The following KIF16B variants were observed in gnomAD, a reference collection of about 807,000 sequenced individuals.
KIF16B encodes kinesin family member 16B, also known as kinesin-like protein KIF16B.
A neutral mutation model predicts 156.3 loss-of-function variants in KIF16B; 98 were observed. The ratio of observed to expected loss-of-function variants is 0.63; its 90% CI spans 0.53 to 0.74. The LOEUF (loss-of-function observed/expected upper bound fraction) is 0.74, where lower values mean the gene tolerates loss of function less well. Among genes scored for constraint, KIF16B ranks in the 30% least tolerant of loss-of-function variants. KIF16B has a pLI of 0.00. For synonymous variants in KIF16B, 564 were observed against 583.7 expected (o/e 0.97, Z 0.49); for missense variants, 1,421 against 1,606.5 (o/e 0.88, Z 1.97).
chr20:16,368,793 C>T (rs2064743966), intron 22 of KIF16B: 2 of 985,846 alleles, frequency 2.0e-6, no homozygotes, highest in Non-Finnish European at 2.4e-6. Context: ...CCTTGCCTTG[C>T]CTGGCCTGCT....
chr20:16,471,818 T>C (rs969364682), intron 12 of KIF16B, among the ~76,000 whole-genome samples: 3 of 152,258 alleles, frequency 2.0e-5, no homozygotes, highest in Non-Finnish European at 4.4e-5. Context: ...CCTATGGTTC[T>C]TCAGAACTTT....
intron 15 of KIF16B, among the ~76,000 whole-genome samples, chr20:16,424,640 C>T (rs6080256): frequency 1.1e-4 from 16 of 151,888 alleles, no homozygotes; most frequent in East Asian, 7.8e-4. Flanking sequence ...AAAACTATTA[C>T]GCAGGCAAAA....
intron 23 of KIF16B, among the ~76,000 whole-genome samples, chr20:16,338,353 A>G (rs542924893): frequency 1.3e-5 from 2 of 151,908 alleles, no homozygotes; most frequent in South Asian, 4.2e-4. Flanking sequence ...GTGCTTTCAG[A>G]CCCTGCTGCT....
chr20:16,526,965 T>C (rs1053288565), intron 2 of KIF16B, among the ~76,000 whole-genome samples: 2 of 152,182 alleles, frequency 1.3e-5, no homozygotes, highest in African/African-American at 2.4e-5. Context: ...GATGATAAAA[T>C]GTTTAAAAAA....
chr20:16,275,055 C>CTTTT (rs4052896), intron 25 of KIF16B, among the ~76,000 whole-genome samples: 42 of 140,432 alleles, frequency 3.0e-4, no homozygotes, highest in South Asian at 9.2e-4. Flanking sequence ...ATAAATTGTA[C>CTTTT]TTTTTTTTTT....
intron 12 of KIF16B, among the ~76,000 whole-genome samples, chr20:16,464,217 G>A (rs187263852): frequency 1.2e-3 from 188 of 152,168 alleles, no homozygotes; most frequent in African/African-American, 4.1e-3. Context: ...GAGCCTCACC[G>A]TTACAGGAAA....
intron 25 of KIF16B, among the ~76,000 whole-genome samples, chr20:16,295,360 T>C: frequency 6.6e-6 from 1 of 152,148 alleles, no homozygotes; most frequent in East Asian, 1.9e-4. Flanking sequence ...TTCTACTGCA[T>C]AACAATTCTA....
intron 22 of KIF16B, among the ~76,000 whole-genome samples, chr20:16,364,504 T>A (rs13045434): frequency 0.022 from 3,364 of 152,270 alleles, 50 homozygotes; most frequent in Non-Finnish European, 0.032. Flanking sequence ...ACTCTAGGGG[T>A]GCTGTAGGCT....
intron 15 of KIF16B, among the ~76,000 whole-genome samples, chr20:16,411,895 T>C (rs1186052706): frequency 2.6e-5 from 4 of 151,298 alleles, no homozygotes; most frequent in East Asian, 3.9e-4. Context: ...CAAAAACTTT[T>C]GGACATTTCG....
At chr20:16,400,336 G>A (rs1168245268) in intron 17 of KIF16B, among the ~76,000 whole-genome samples, 1 of 152,214 alleles carries the variant, frequency 6.6e-6, no homozygotes, top group Non-Finnish European at 1.5e-5. Context: ...ACATTTTGAT[G>A]TGTACTATAA....
In KIF16B at chr20:16,378,910, T is replaced by C; in HGVS notation, c.3092A>G (p.Glu1031Gly). Residue 1031 changes from glutamate to glycine, a missense_variant, in exon 19 of 26, where the codon GAG (glutamate) becomes GGG (glycine). By Grantham distance (98) the Glu-to-Gly change is moderately conservative (BLOSUM62 -2). Coordinates refer to ENST00000354981, the MANE Select transcript of KIF16B (RefSeq NM_024704.5). ...CAGACTGGCAAGTTTCTGCCTCTGC[T>C]CTTCAATCTCCATGCCCAGGGTGGA... ...RHSTLGMEIE[E>G]QRQKLASLNS... 6.2e-7 allele frequency: 1 copy of C among 1,614,084 alleles called. No individual in the cohort carries two copies. The highest frequency in any genetic ancestry group is 8.5e-7 in the Non-Finnish European group (1 of 1,179,960).
intron 16 of KIF16B, among the ~76,000 whole-genome samples, chr20:16,405,977 C>T (rs1208691451): frequency 6.6e-6 from 1 of 152,098 alleles, no homozygotes; most frequent in African/African-American, 2.4e-5. Context: ...GCTCTCGCTT[C>T]CCACCTCAAT....
intron 24 of KIF16B, among the ~76,000 whole-genome samples, chr20:16,325,420 A>G (rs2063830319): frequency 6.6e-6 from 1 of 152,068 alleles, no homozygotes; most frequent in Non-Finnish European, 1.5e-5. Context: ...CTCATCCAAA[A>G]AGCTCCTAGA....
chr20:16,373,397 T>C (rs2064870736), intron 20 of KIF16B, among the ~76,000 whole-genome samples: 1 of 152,220 alleles, frequency 6.6e-6, no homozygotes, highest in Admixed American at 6.5e-5. Flanking sequence ...AATGCTCCCA[T>C]GTTTAAATGG....
At chr20:16,416,828 C>A (rs2066102161) in intron 15 of KIF16B, among the ~76,000 whole-genome samples, 1 of 151,838 alleles carries the variant, frequency 6.6e-6, no homozygotes, top group African/African-American at 2.4e-5. Flanking sequence ...CAGTGCTTCC[C>A]AGCTTGGTCT....
intron 23 of KIF16B, among the ~76,000 whole-genome samples, chr20:16,341,430 T>C (rs2064137754): frequency 6.6e-6 from 1 of 152,258 alleles, no homozygotes; most frequent in South Asian, 2.1e-4. Flanking sequence ...CCAGGAATCC[T>C]ACCATTAATG....
rs1408240351 is a variant in KIF16B at position 16,573,172 on chromosome 20, A to C, written c.47+57T>G. 4 of 1,470,428 alleles carry C rather than the reference A, an allele frequency of 2.7e-6. No individual in the cohort carries two copies. The Admixed American group carries it at 7.9e-5, about 29-fold the overall frequency. 91.1% of individuals were successfully genotyped at this position (1,470,428 alleles called of 1,614,324 possible). A position where few individuals can be genotyped will look rare whatever the true frequency, so the allele number is the denominator to read the frequency against. ...GGCTGGCTTTGGGGGAGCTGGAAAC[A>C]GGCTTCCTCTGGGTGGGGGCGCGAC... On this transcript the variant is annotated intron_variant, in intron 1 of 25. Coordinates refer to ENST00000354981, the MANE Select transcript of KIF16B (RefSeq NM_024704.5).
At chr20:16,396,922 T>G (rs2065522273) in intron 17 of KIF16B, among the ~76,000 whole-genome samples, 1 of 146,398 alleles carries the variant, frequency 6.8e-6, no homozygotes, top group East Asian at 2.1e-4. Context: ...CTAACTGGGT[T>G]TGAAAGCTAG....
intron 22 of KIF16B, among the ~76,000 whole-genome samples, chr20:16,364,586 G>C (rs1273712294): frequency 4.6e-5 from 7 of 152,196 alleles, no homozygotes. Context: ...TACTAGGATT[G>C]AAATCACAGT....
Sources: allele counts gnomAD v4.1 joint callset (sites outside exome capture counted in the v4.1 genomes callset), GRCh38; gene constraint gnomAD v4.1.1; transcripts MANE v1.5; gene names NCBI Gene and HGNC (gene_info 2026-07-23, HGNC 2026-07-21).